Variants in THNSL1 observed in about 807,000 individuals in gnomAD.
The protein encoded by THNSL1 is threonine synthase-like 1.
THNSL1 carries 48 observed loss-of-function variants against 50.4 expected under a neutral mutation model. The ratio of observed to expected loss-of-function variants is 0.95; its 90% CI spans 0.76 to 1.21. THNSL1 has a LOEUF of 1.21. Among genes scored for constraint, THNSL1 ranks in the 50% most tolerant of loss-of-function variants. The pLI is 0.00. For missense variants in THNSL1, 896 were observed against 871.7 expected, an observed-to-expected ratio of 1.03 and a Z score of -0.35; for synonymous variants, 309 against 306.1, an observed-to-expected ratio of 1.01 and a Z score of -0.10.
the THNSL1 span, among the ~76,000 whole-genome samples, chr10:25,004,825 A>C: frequency 6.6e-6 from 1 of 152,136 alleles, no homozygotes; most frequent in Non-Finnish European, 1.5e-5. Context: ...TTCATCATTA[A>C]ATCTTTGCCC....
At chr10:24,981,040 AT>A in the THNSL1 span, among the ~76,000 whole-genome samples, 34 of 152,266 alleles carry the variant, frequency 2.2e-4, no homozygotes, top group East Asian at 5.0e-3. Context: ...TTTGATTATG[AT>A]TTATCTTCCC....
At chr10:25,014,314 T>C (rs1220435730), upstream of THNSL1, among the ~76,000 whole-genome samples, 1 of 152,164 alleles carries the variant, frequency 6.6e-6, no homozygotes, top group Non-Finnish European at 1.5e-5. Flanking sequence ...CTAACAGAAA[T>C]GATTCTTTTG....
At chr10:24,965,289 T>C in the THNSL1 span, among the ~76,000 whole-genome samples, 1 of 152,184 alleles carries the variant, frequency 6.6e-6, no homozygotes, top group African/African-American at 2.4e-5. Context: ...ATTATCTTAG[T>C]ATCACTATCA....
upstream of THNSL1, among the ~76,000 whole-genome samples, chr10:25,014,435 G>A (rs1850518771): frequency 6.6e-6 from 1 of 151,822 alleles, no homozygotes; most frequent in Admixed American, 6.6e-5. Context: ...ACCAAGAACA[G>A]ATATACTAGT....
chr10:24,954,268 G>A, the THNSL1 span, among the ~76,000 whole-genome samples: 1 of 152,154 alleles, frequency 6.6e-6, no homozygotes, highest in East Asian at 1.9e-4. Flanking sequence ...GGGAAGATCT[G>A]TGGAAGCACC....
chr10:25,017,298 GCCTGCCGTAGGAAAGT>G (rs1277800895), intron 1 of THNSL1, among the ~76,000 whole-genome samples: 2 of 152,122 alleles, frequency 1.3e-5, no homozygotes, highest in African/African-American at 4.8e-5. Flanking sequence ...ATGCACATGG[GCCTGCCGTAGGAAAGT>G]CATTTAGACG....
At chr10:24,993,996 T>C in the THNSL1 span, among the ~76,000 whole-genome samples, 1 of 152,104 alleles carries the variant, frequency 6.6e-6, no homozygotes, top group South Asian at 2.1e-4. Context: ...ATAAAACAGT[T>C]TCCAGGGGCC....
intron 1 of THNSL1, among the ~76,000 whole-genome samples, chr10:25,021,180 G>A (rs1461947765): frequency 6.6e-6 from 1 of 152,178 alleles, no homozygotes; most frequent in Non-Finnish European, 1.5e-5. Context: ...CCCACTGTCA[G>A]TGAGTGACAA....
the THNSL1 span, among the ~76,000 whole-genome samples, chr10:24,992,418 C>T: frequency 6.6e-6 from 1 of 152,294 alleles, no homozygotes; most frequent in African/African-American, 2.4e-5. Context: ...GACAAATATT[C>T]TGTTCTCCTT....
At chr10:24,952,772 C>T in the THNSL1 span, among the ~76,000 whole-genome samples, 1 of 151,634 alleles carries the variant, frequency 6.6e-6, no homozygotes, top group Admixed American at 6.6e-5. This position sits in a 1 kb window ranked among gnomAD's most constrained non-coding sequence, Gnocchi z 5.1. Context: ...CGCTGCGCCC[C>T]CTCCCCTGGC....
In THNSL1 at chr10:25,025,249, A is replaced by G; in HGVS notation, c.2026A>G (p.Met676Val). Residue 676 changes from methionine to valine, a missense_variant, in exon 3 of 3, where the codon ATG (methionine) becomes GTG (valine). Transcript: ENST00000376356. ...TTACTCAAAGTTTGCACCTGCTATC[A>G]TGCAGGCTTTAAAGATTAAAGAAAT... ...AHYSKFAPAI[M>V]QALKIKEINE... 2 of 1,614,222 alleles carry G rather than the reference A, an allele frequency of 1.2e-6. No homozygotes were observed. The highest frequency in any genetic ancestry group is 1.7e-6 in the Non-Finnish European group (2 of 1,180,034).
At chr10:24,996,041 T>A in the THNSL1 span, among the ~76,000 whole-genome samples, 1 of 152,178 alleles carries the variant, frequency 6.6e-6, no homozygotes, top group Non-Finnish European at 1.5e-5. Context: ...CTTGTAGACA[T>A]TAAATATGCA....
At chr10:25,014,710 G>GA (rs1166296144), upstream of THNSL1, among the ~76,000 whole-genome samples, 4 of 152,130 alleles carry the variant, frequency 2.6e-5, no homozygotes, top group Non-Finnish European at 5.9e-5. Flanking sequence ...TAGAAAATTT[G>GA]AAAATAAATT....
At chr10:25,016,855 C>A in intron 1 of THNSL1, 163 bp downstream of exon 1, 1 of 152,728 alleles carries the variant, frequency 6.5e-6, no homozygotes. Flanking sequence ...ATGCCTTTCC[C>A]CGTACCGTCC....
the THNSL1 span, among the ~76,000 whole-genome samples, chr10:25,011,407 C>G: frequency 1.1e-4 from 17 of 152,064 alleles, no homozygotes; most frequent in Admixed American, 1.0e-3. Context: ...CCTATTCACT[C>G]TGATGGTAGT....
chr10:24,995,375 G>T, the THNSL1 span, among the ~76,000 whole-genome samples: 1 of 152,106 alleles, frequency 6.6e-6, no homozygotes, highest in Non-Finnish European at 1.5e-5. Flanking sequence ...TTCAGAGAAT[G>T]TTTATTAAAA....
chr10:24,953,909 C>A, the THNSL1 span, among the ~76,000 whole-genome samples: 1 of 152,200 alleles, frequency 6.6e-6, no homozygotes, highest in African/African-American at 2.4e-5. Context: ...TAAGCGCCAG[C>A]GCCTTGGAGG....
chr10:25,009,095 G>A, the THNSL1 span, among the ~76,000 whole-genome samples: 14 of 152,244 alleles, frequency 9.2e-5, no homozygotes, highest in African/African-American at 1.9e-4. Context: ...ATCACACACC[G>A]GGGACTGTTG....
At chr10:25,001,025 A>G in the THNSL1 span, among the ~76,000 whole-genome samples, 1 of 151,988 alleles carries the variant, frequency 6.6e-6, no homozygotes, top group Non-Finnish European at 1.5e-5. Flanking sequence ...GTTGTAATAT[A>G]TTTTACTTTT....
Sources: allele counts gnomAD v4.1 joint callset (sites outside exome capture counted in the v4.1 genomes callset), GRCh38; gene constraint gnomAD v4.1.1; non-coding constraint Gnocchi (gnomAD v3.1); transcripts MANE v1.5; gene names NCBI Gene and HGNC (gene_info 2026-07-23, HGNC 2026-07-21).